RANBP17: variants seen among roughly 807,000 people sequenced by gnomAD.
RANBP17 encodes the protein RAN binding protein 17, also known as ran-binding protein 17.
In RANBP17, 158 loss-of-function variants were observed where a neutral mutation model predicts 141.2. The observed-to-expected ratio is 1.12, with a 90% confidence interval of 0.98 to 1.28. RANBP17 has a LOEUF of 1.28. Among genes scored for constraint, RANBP17 ranks in the 50% most tolerant of loss-of-function variants. The pLI, the probability that RANBP17 is intolerant of heterozygous loss-of-function variation, is 0.00. For missense variants in RANBP17, 1,438 were observed against 1,290.7 expected (o/e 1.11, Z -1.75); for synonymous variants, 430 against 450.0 (o/e 0.96, Z 0.56).
chr5:171,135,136 C>T (rs895492205), intron 14 of RANBP17, among the ~76,000 whole-genome samples: 5 of 150,898 alleles, frequency 3.3e-5, no homozygotes, highest in Non-Finnish European at 5.9e-5. Flanking sequence ...AATAATTAGC[C>T]AGGCATGGTG....
chr5:171,015,085 A>G (rs1780339757), intron 14 of RANBP17, among the ~76,000 whole-genome samples: 1 of 151,836 alleles, frequency 6.6e-6, no homozygotes. Context: ...CTGCTTTCAA[A>G]ATTTTTTCCT....
intron 24 of RANBP17, chr5:171,252,056 C>G (rs754906368): frequency 6.2e-7 from 1 of 1,603,716 alleles, no homozygotes; most frequent in Non-Finnish European, 8.5e-7. Context: ...AGCCTTCTTA[C>G]ATGCTTAGCA....
chr5:171,063,218 TG>T (rs757894226), intron 14 of RANBP17, among the ~76,000 whole-genome samples: 44 of 152,346 alleles, frequency 2.9e-4, no homozygotes, highest in Non-Finnish European at 5.3e-4. Flanking sequence ...TGCTTTCCTT[TG>T]GAGGAGGAGA....
At chr5:170,973,823 G>A (rs1297902535) in intron 14 of RANBP17, among the ~76,000 whole-genome samples, 3 of 152,138 alleles carry the variant, frequency 2.0e-5, no homozygotes, top group Non-Finnish European at 4.4e-5. Context: ...AGTTGGTGCC[G>A]TCTCTCTGTG....
intron 14 of RANBP17, among the ~76,000 whole-genome samples, chr5:171,100,264 G>C (rs1411996682): frequency 6.6e-6 from 1 of 151,650 alleles, no homozygotes; most frequent in Non-Finnish European, 1.5e-5. Context: ...GGCTATTACT[G>C]CCTCAATTTC....
intron 8 of RANBP17, among the ~76,000 whole-genome samples, chr5:170,915,260 C>CACAT (rs1158164175): frequency 6.6e-6 from 1 of 152,104 alleles, no homozygotes; most frequent in Non-Finnish European, 1.5e-5. Flanking sequence ...ATTTATTGGA[C>CACAT]ATGTCCTATT....
chr5:171,280,807 CTG>C (rs1318852473), intron 25 of RANBP17, among the ~76,000 whole-genome samples: 1 of 152,222 alleles, frequency 6.6e-6, no homozygotes, highest in Non-Finnish European at 1.5e-5. Context: ...AGAATATAGA[CTG>C]AGTGCTTTCA....
intron 18 of RANBP17, among the ~76,000 whole-genome samples, chr5:171,195,005 TC>T (rs1426571553): frequency 3.3e-5 from 5 of 152,222 alleles, no homozygotes; most frequent in African/African-American, 1.2e-4. Flanking sequence ...AAACATATTC[TC>T]AGAGACACAG....
chr5:171,073,249 A>C (rs1784731011), intron 14 of RANBP17, among the ~76,000 whole-genome samples: 1 of 152,198 alleles, frequency 6.6e-6, no homozygotes. Flanking sequence ...TAAATGCATG[A>C]CATATCTTAA....
chr5:171,222,594 A>G lies in RANBP17; in HGVS notation c.2422+754A>G, dbSNP rs373485025. The stretch of plus-strand genomic sequence containing the variant: ...TCTGTTCTTTCCCAAATCTACAGCA[A>G]ACTGTTAAGTAAATTTAGTCTGTAA... On this transcript the variant is annotated intron_variant, in intron 22 of 27. Transcript: ENST00000523189. Among the ~76,000 whole-genome samples the G allele has an allele frequency of 1.3e-3, 194 of 152,190 alleles. 9 individuals carry two copies. In the South Asian group the frequency reaches 0.039, roughly 30 times the overall value.
chr5:171,179,584 G>A (rs1760749468), intron 16 of RANBP17, among the ~76,000 whole-genome samples: 1 of 151,976 alleles, frequency 6.6e-6, no homozygotes, highest in African/African-American at 2.4e-5. Context: ...TTAAATATTT[G>A]CCCAGATTCA....
intron 14 of RANBP17, among the ~76,000 whole-genome samples, chr5:171,141,796 A>G (rs1757721731): frequency 6.6e-6 from 1 of 152,116 alleles, no homozygotes; most frequent in Non-Finnish European, 1.5e-5. Context: ...CAATTTTTTT[A>G]TGATTGCATC....
At chr5:171,076,683 G>A (rs1784945323) in intron 14 of RANBP17, among the ~76,000 whole-genome samples, 1 of 152,098 alleles carries the variant, frequency 6.6e-6, no homozygotes, top group South Asian at 2.1e-4. Flanking sequence ...GACTTCCAAA[G>A]GCCAAAGAGG....
At chr5:170,910,896 T>A (rs1771468326) in intron 6 of RANBP17, 73 bp from the exon 7 acceptor site, 3 of 1,423,182 alleles carry the variant, frequency 2.1e-6, no homozygotes, top group Admixed American at 1.9e-5. Context: ...CATTGAAAAA[T>A]TATTTTAATT....
At chr5:171,125,005 A>G (rs1295415851) in intron 14 of RANBP17, among the ~76,000 whole-genome samples, 1 of 152,228 alleles carries the variant, frequency 6.6e-6, no homozygotes, top group South Asian at 2.1e-4. Context: ...ATTGAAAGTA[A>G]AGGGATGGGC....
chr5:170,929,372 A>T (rs892034518), intron 12 of RANBP17, among the ~76,000 whole-genome samples: 5 of 152,134 alleles, frequency 3.3e-5, no homozygotes, highest in African/African-American at 9.7e-5. Context: ...ACGCTGTTTG[A>T]AGACGTTCAT....
intron 3 of RANBP17, among the ~76,000 whole-genome samples, chr5:170,892,096 AC>A (rs1269599939): frequency 2.0e-5 from 3 of 149,612 alleles, no homozygotes. Context: ...TGTAACAAAT[AC>A]TGCAACTTTT....
At chr5:170,940,948 A>G (rs987399431) in intron 12 of RANBP17, among the ~76,000 whole-genome samples, 11 of 152,100 alleles carry the variant, frequency 7.2e-5, no homozygotes, top group African/African-American at 2.2e-4. Context: ...TTAAAAAAAA[A>G]CTAAATTGCA....
intron 12 of RANBP17, among the ~76,000 whole-genome samples, chr5:170,927,278 T>A (rs1773002990): frequency 6.6e-6 from 1 of 151,998 alleles, no homozygotes; most frequent in South Asian, 2.1e-4. Context: ...ATATATATAT[T>A]TTTATTATAC....
Sources: gnomAD v4.1 joint callset for allele counts (sites outside exome capture counted in the v4.1 genomes callset) on GRCh38, gnomAD v4.1.1 for gene constraint, MANE v1.5 for transcripts, NCBI Gene and HGNC (gene_info 2026-07-23, HGNC 2026-07-21) for gene names.